TTLL11: variants seen among roughly 807,000 people sequenced by gnomAD.
The protein encoded by TTLL11 is tubulin tyrosine ligase like 11.
In TTLL11, 42 loss-of-function variants were observed where a neutral mutation model predicts 51.7. The observed-to-expected ratio is 0.81, with a 90% CI of 0.64 to 1.05. The LOEUF is 1.05. Among genes scored for constraint, TTLL11 ranks in the 50% least tolerant of loss-of-function variants. The pLI is 0.00. For synonymous variants in TTLL11, 381 were observed against 383.5 expected, an observed-to-expected ratio of 0.99 and a Z score of 0.08; for missense variants, 799 against 940.4, an observed-to-expected ratio of 0.85 and a Z score of 1.97.
intron 3 of TTLL11, among the ~76,000 whole-genome samples, chr9:122,020,330 C>T (rs1009472927): frequency 6.6e-6 from 1 of 152,190 alleles, no homozygotes; most frequent in African/African-American, 2.4e-5. Flanking sequence ...TTCCATTTGC[C>T]CTCAGCCCTG....
At chr9:122,082,117 T>C (rs990007267) in intron 1 of TTLL11, among the ~76,000 whole-genome samples, 19 of 152,220 alleles carry the variant, frequency 1.2e-4, no homozygotes, top group African/African-American at 4.6e-4. Flanking sequence ...GGCAATTTGA[T>C]AGTAACAATC....
chr9:122,031,422 C>T lies in TTLL11; in HGVS notation c.693+301G>A, dbSNP rs566615291. 3.3e-5 allele frequency among the ~76,000 whole-genome samples: 5 copies of T among 152,326 alleles called. No individual in the cohort carries two copies. The South Asian group carries it at 6.2e-4, about 19-fold the overall frequency. ...CCCATCCTACTTGGGGGCCCAGCCA[C>T]CTGCTCCGGCTCCAGCTCCCTGGCT... is the stretch of plus-strand genomic sequence containing the variant. On this transcript the variant is annotated intron_variant, in intron 3 of 8. Transcript: ENST00000321582.
rs1265472594 is a variant in TTLL11, at chr9:121,895,753, GTGTTATT to G, written c.1482-25012_1482-25006del. ...TATCTGTGTGCGTCCGTGTGGTTGT[GTGTTATT>G]GTTTTGTGTTAGTGTGTGGGTGTGT... On this transcript the variant is annotated intron_variant, in intron 6 of 8. Transcript: ENST00000321582. 3.4e-4 allele frequency among the ~76,000 whole-genome samples: 7 copies of G among 20,456 alleles called. 1 individual carries two copies. The highest frequency in any genetic ancestry group is 2.3e-3 in the East Asian group (1 of 440). The allele number at this position is 20,456 out of a possible 152,430, so 13.4% of individuals were successfully genotyped here.
intron 6 of TTLL11, among the ~76,000 whole-genome samples, chr9:121,923,188 T>A (rs560816460): frequency 1.3e-5 from 2 of 152,308 alleles, no homozygotes; most frequent in South Asian, 2.1e-4. Context: ...GAGTACCACA[T>A]AAATGTCTGA....
chr9:121,878,704 G>A (rs1838661394), intron 6 of TTLL11, among the ~76,000 whole-genome samples: 1 of 152,208 alleles, frequency 6.6e-6, no homozygotes, highest in Non-Finnish European at 1.5e-5. Flanking sequence ...TGAAGGAGCT[G>A]ACAGCTCATT....
At chr9:121,920,092 A>G (rs539780715) in intron 6 of TTLL11, among the ~76,000 whole-genome samples, 273 of 152,196 alleles carry the variant, frequency 1.8e-3, no homozygotes, top group African/African-American at 6.4e-3. Context: ...GCTTGAGCTC[A>G]GGTATTCAAG....
chr9:122,006,999 A>AAAC (rs971647543), intron 3 of TTLL11, among the ~76,000 whole-genome samples: 2 of 147,284 alleles, frequency 1.4e-5, no homozygotes, highest in African/African-American at 5.4e-5. Flanking sequence ...AAAAAAAAAA[A>AAAC]AAAAAAAAAA....
chr9:121,860,012 T>A (rs1588075925), intron 8 of TTLL11, among the ~76,000 whole-genome samples: 1 of 152,274 alleles, frequency 6.6e-6, no homozygotes, highest in East Asian at 1.9e-4. Context: ...CCAAGCACTA[T>A]ACCCTCCAGC....
chr9:121,920,327 A>G (rs1018967704), intron 6 of TTLL11, among the ~76,000 whole-genome samples: 4 of 152,150 alleles, frequency 2.6e-5, no homozygotes, highest in Admixed American at 6.5e-5. Flanking sequence ...TATAAATTCA[A>G]TGTTTCTGGT....
At chr9:121,979,750 C>T (rs1842789077) in intron 4 of TTLL11, among the ~76,000 whole-genome samples, 2 of 152,044 alleles carry the variant, frequency 1.3e-5, no homozygotes, top group Admixed American at 6.6e-5. Context: ...CAATCCTTTG[C>T]CCAAAATCCG....
At position 121,819,361 on chromosome 9, in the gene TTLL11, A is replaced by T. The variant is rs1171336329; in HGVS notation, c.*3226T>A. On this transcript the variant is annotated 3_prime_UTR_variant, in exon 9 of 9. Transcript: ENST00000321582. ...GGCTGCCCCGGGGCACACCCAAAGA[A>T]AGGGTAGGTGGGCCCAGTTCTGTGG... The T allele has an allele frequency of 1.3e-5, 2 of 152,302 alleles. No individual in the cohort carries two copies. The highest frequency in any genetic ancestry group is 4.8e-5 in the African/African-American group (2 of 41,412). 9.4% of individuals were successfully genotyped at this position (152,302 alleles called of 1,614,324 possible).
intron 1 of TTLL11, among the ~76,000 whole-genome samples, chr9:122,046,776 TC>T (rs1021724412): frequency 1.1e-4 from 16 of 152,090 alleles, no homozygotes; most frequent in Admixed American, 9.2e-4. Context: ...GCCTCTATCC[TC>T]AGGAGATAGA....
intron 4 of TTLL11, among the ~76,000 whole-genome samples, chr9:121,984,847 C>T (rs534088227): frequency 2.6e-5 from 4 of 152,286 alleles, no homozygotes; most frequent in Admixed American, 2.6e-4. Flanking sequence ...TGTGTTATTT[C>T]TGCCATATGA....
intron 3 of TTLL11, among the ~76,000 whole-genome samples, chr9:122,025,738 C>T (rs1418356745): frequency 6.6e-6 from 1 of 152,182 alleles, no homozygotes; most frequent in Non-Finnish European, 1.5e-5. Flanking sequence ...GAAGACAATA[C>T]TTTCTTTAAA....
In TTLL11 at chr9:121,989,804, T is replaced by C; in HGVS notation, c.694-34A>G. ...GGAAAAAAGGATGGCCGACATTATA[T>C]TGTTTTCCCTCTGGATCCCTAACAC... On this transcript the variant is annotated intron_variant, in intron 3 of 8. Transcript: ENST00000321582. This position sits in a 1 kb window ranked among gnomAD's most constrained non-coding sequence, Gnocchi z 4.2. 1.9e-6 allele frequency: 3 copies of C among 1,556,478 alleles called. No homozygotes were observed. The highest frequency in any genetic ancestry group is 2.6e-6 in the Non-Finnish European group (3 of 1,152,878).
At chr9:121,971,656 A>G (rs1842580777) in intron 6 of TTLL11, among the ~76,000 whole-genome samples, 1 of 144,352 alleles carries the variant, frequency 6.9e-6, no homozygotes, top group East Asian at 2.0e-4. Flanking sequence ...AAGATTGAGA[A>G]ATCGGATGGT....
intron 3 of TTLL11, among the ~76,000 whole-genome samples, chr9:122,001,665 T>C (rs1843473034): frequency 6.6e-6 from 1 of 152,074 alleles, no homozygotes; most frequent in East Asian, 1.9e-4. Flanking sequence ...AGTGCAGAGC[T>C]GGTGCTTCTG....
intron 6 of TTLL11, among the ~76,000 whole-genome samples, chr9:121,957,806 T>C (rs1286002760): frequency 3.9e-5 from 6 of 151,992 alleles, no homozygotes; most frequent in Admixed American, 3.9e-4. Flanking sequence ...GAACAGCCAG[T>C]TGGGGGTGGG....
chr9:121,975,019 T>TA, intron 4 of TTLL11, 40 bp from the exon 5 acceptor site: 1 of 1,421,350 alleles, frequency 7.0e-7, no homozygotes, highest in Non-Finnish European at 9.5e-7. Flanking sequence ...CTGTCTCTAT[T>TA]GAGTATGGTA....
Sources: allele counts gnomAD v4.1 joint callset (sites outside exome capture counted in the v4.1 genomes callset), GRCh38; gene constraint gnomAD v4.1.1; non-coding constraint Gnocchi (gnomAD v3.1); transcripts MANE v1.5; gene names NCBI Gene and HGNC (gene_info 2026-07-23, HGNC 2026-07-21).